PRR27: variants seen among roughly 807,000 people sequenced by gnomAD.
The protein encoded by PRR27 is proline-rich protein 27.
A neutral mutation model predicts 16.8 loss-of-function variants in PRR27; 12 were observed. The observed-to-expected ratio is 0.71, with a 90% CI of 0.46 to 1.16. PRR27 has a LOEUF of 1.16. Among genes scored for constraint, PRR27 ranks in the 50% most tolerant of loss-of-function variants. The probability of loss-of-function intolerance (pLI) is 0.00; values close to 1 mark genes in which losing one functional copy is unlikely to be tolerated. For synonymous variants in PRR27, 100 were observed against 98.4 expected, an observed-to-expected ratio of 1.02 and a Z score of -0.10; for missense variants, 277 against 273.3, an observed-to-expected ratio of 1.01 and a Z score of -0.10.
At chr4:70,156,252 G>A (rs928402671) in intron 2 of PRR27, among the ~76,000 whole-genome samples, 175 bp downstream of exon 2, 2 of 152,144 alleles carry the variant, frequency 1.3e-5, no homozygotes, top group African/African-American at 4.8e-5. Flanking sequence ...GAATATGTTT[G>A]TGTTCAACAT....
In PRR27 at chr4:70,164,219, A is replaced by T. The variant is rs1230053445; in HGVS notation, c.*1558A>T. 1 of 152,166 alleles carries T rather than the reference A, an allele frequency of 6.6e-6. No individual in the cohort carries two copies. The highest frequency in any genetic ancestry group is 1.5e-5 in the Non-Finnish European group (1 of 68,012). The allele number at this position is 152,166 out of a possible 1,614,324, so 9.4% of individuals were successfully genotyped here. ...CAGGCATTTCTGTGTCTTATTCAGC[A>T]CTTTATCAGGGCCTATAACAATGCC... On this transcript the variant is annotated 3_prime_UTR_variant, in exon 5 of 5. Coordinates refer to ENST00000344526, the MANE Select transcript of PRR27 (RefSeq NM_214711.4).
rs1728551566 is a variant in PRR27 at position 70,158,599 on chromosome 4, G to A, written c.347G>A (p.Arg116Lys). 1 of 1,614,060 alleles carries A rather than the reference G, an allele frequency of 6.2e-7. No individual in the cohort carries two copies. The highest frequency in any genetic ancestry group is 8.5e-7 in the Non-Finnish European group (1 of 1,180,004). The change falls in exon 3 of 5, where the codon AGG becomes AAG. Residue 116 changes from arginine to lysine, a missense_variant. Coordinates refer to ENST00000344526, the MANE Select transcript of PRR27 (RefSeq NM_214711.4). The stretch of plus-strand genomic sequence containing the variant: ...GGTTTCCCGTTTGTCCCTCCTTCAA[G>A]GTTTTTTTCAGCAGCTGCAGCACCC... ...PRGFPFVPPS[R>K]FFSAAAAPAA... is the part of the protein sequence containing the mutation.
intron 3 of PRR27, among the ~76,000 whole-genome samples, chr4:70,159,693 G>A (rs957938753): frequency 6.6e-6 from 1 of 152,152 alleles, no homozygotes; most frequent in Non-Finnish European, 1.5e-5. Context: ...ATATATGTGT[G>A]TATGGACATA....
rs550286208 is a variant in PRR27, at chr4:70,165,972, A to T, written c.*3311A>T. The T allele has an allele frequency of 1.3e-5, 2 of 152,198 alleles. No homozygotes were observed. Among genetic ancestry groups the T allele is most frequent in the East Asian group, 3.9e-4 (2 of 5,182 alleles). The allele number at this position is 152,198 out of a possible 1,614,324, so 9.4% of individuals were successfully genotyped here. On this transcript the variant is annotated 3_prime_UTR_variant, in exon 5 of 5. Transcript: ENST00000344526. ...CTCAAAGAGGTATAAGTTTGTGTGTATAATTCCCTGGCTTTTTTCTAAAAT... is the reference window on the plus strand; with the variant it reads ...CTCAAAGAGGTATAAGTTTGTGTGTTTAATTCCCTGGCTTTTTTCTAAAAT...
At position 70,163,724 on chromosome 4, in the gene PRR27, C is replaced by G. The variant is rs1232220863; in HGVS notation, c.*1063C>G. The stretch of plus-strand genomic sequence containing the variant: ...ATCAGATGTTAAACCAAACATTATT[C>G]AGATAAGATCTCTGAAAAGCCTCTG... On this transcript the variant is annotated 3_prime_UTR_variant, in exon 5 of 5. Transcript: ENST00000344526. 2 of 152,130 alleles carry G rather than the reference C, an allele frequency of 1.3e-5. No individual in the cohort carries two copies. Among genetic ancestry groups the G allele is most frequent in the African/African-American group, 4.8e-5 (2 of 41,398 alleles). The allele number at this position is 152,130 out of a possible 1,614,324, so 9.4% of individuals were successfully genotyped here.
intron 3 of PRR27, among the ~76,000 whole-genome samples, chr4:70,160,435 C>G (rs371076548): frequency 0.021 from 661 of 31,920 alleles, 4 homozygotes; most frequent in South Asian, 0.034. Flanking sequence ...CTCTCTCTCT[C>G]TCTCTCTCTG....
intron 3 of PRR27, among the ~76,000 whole-genome samples, chr4:70,160,474 T>TG (rs1553902854): frequency 5.3e-5 from 8 of 149,780 alleles, no homozygotes; most frequent in African/African-American, 2.0e-4. Flanking sequence ...TGTGTGTGTG[T>TG]TTTCCCTTGC....
intron 3 of PRR27, 32 bp downstream of exon 3, chr4:70,158,932 ATG>A (rs1728567306): frequency 3.0e-6 from 4 of 1,337,442 alleles, no homozygotes; most frequent in Non-Finnish European, 4.1e-6. Flanking sequence ...ACTATAATGT[ATG>A]AGAAATGAGA....
intron 3 of PRR27, among the ~76,000 whole-genome samples, chr4:70,160,437 CTCTCTCTG>C (rs1336697689): frequency 3.1e-4 from 24 of 77,926 alleles, no homozygotes; most frequent in African/African-American, 7.5e-4. Flanking sequence ...CTCTCTCTCT[CTCTCTCTG>C]TGTGTGTGTG....
At chr4:70,157,235 T>G (rs1176091912) in intron 2 of PRR27, among the ~76,000 whole-genome samples, 1 of 152,068 alleles carries the variant, frequency 6.6e-6, no homozygotes, top group Non-Finnish European at 1.5e-5. Context: ...GGCTGGGGAA[T>G]GTAGCATCCC....
At chr4:70,158,144 A>T (rs969181904) in intron 2 of PRR27, among the ~76,000 whole-genome samples, 184 bp from the exon 3 acceptor site, 1 of 152,188 alleles carries the variant, frequency 6.6e-6, no homozygotes, top group African/African-American at 2.4e-5. Flanking sequence ...GAGTTTATTC[A>T]ATTTTCTTAA....
intron 2 of PRR27, among the ~76,000 whole-genome samples, chr4:70,156,429 A>C (rs1467300715): frequency 2.0e-5 from 3 of 152,130 alleles, no homozygotes; most frequent in African/African-American, 7.2e-5. Flanking sequence ...GAATCTGGAG[A>C]TGCTCTGTCT....
At chr4:70,157,904 T>C (rs1329180695) in intron 2 of PRR27, among the ~76,000 whole-genome samples, 1 of 152,128 alleles carries the variant, frequency 6.6e-6, no homozygotes, top group Admixed American at 6.5e-5. Context: ...AGAGGAATAA[T>C]GAAGCAGAGG....
intron 1 of PRR27, among the ~76,000 whole-genome samples, chr4:70,155,014 A>C (rs1005231320): frequency 6.6e-5 from 10 of 152,162 alleles, no homozygotes; most frequent in Admixed American, 1.3e-4. Flanking sequence ...TAACACCTAC[A>C]CCATAACATT....
In PRR27 at chr4:70,166,562, T is replaced by C. The variant is rs1460634990; in HGVS notation, c.*3901T>C. ...TTTCTCTAACCATTTTGAATACGAA[T>C]AACCATGGATTCTAATAGCAAACAT... On this transcript the variant is annotated 3_prime_UTR_variant, in exon 5 of 5. Transcript: ENST00000344526. 2 of 152,078 alleles carry C rather than the reference T, an allele frequency of 1.3e-5. No homozygotes were observed. The highest frequency in any genetic ancestry group is 2.9e-5 in the Non-Finnish European group (2 of 67,954). 9.4% of individuals were successfully genotyped at this position (152,078 alleles called of 1,614,324 possible).
chr4:70,158,272 G>A, intron 2 of PRR27, 56 bp from the exon 3 acceptor site: 1 of 1,049,720 alleles, frequency 9.5e-7, no homozygotes, highest in Non-Finnish European at 1.4e-6. Context: ...TGTACCATAA[G>A]TAATATATAG....
chr4:70,161,919 C>T (rs1267992141), intron 4 of PRR27, among the ~76,000 whole-genome samples: 1 of 152,120 alleles, frequency 6.6e-6, no homozygotes, highest in Non-Finnish European at 1.5e-5. Context: ...AGGTAAAAAC[C>T]TTTAACGTGG....
rs1240485541 is a variant in PRR27, at chr4:70,165,849, T to A, written c.*3188T>A. The stretch of plus-strand genomic sequence containing the variant: ...AAATGTTCACACCTTCACACTGGTA[T>A]CAACTGCAACAACCACTATACTTCT... On this transcript the variant is annotated 3_prime_UTR_variant, in exon 5 of 5. Transcript: ENST00000344526. 2 of 152,152 alleles carry A rather than the reference T, an allele frequency of 1.3e-5. No homozygotes were observed. The highest frequency in any genetic ancestry group is 2.4e-5 in the African/African-American group (1 of 41,454). 9.4% of individuals were successfully genotyped at this position (152,152 alleles called of 1,614,324 possible).
chr4:70,155,688 C>G (rs1411508655), intron 1 of PRR27, among the ~76,000 whole-genome samples: 2 of 102,296 alleles, frequency 2.0e-5, no homozygotes, highest in African/African-American at 6.0e-5. Flanking sequence ...CTTTAACACA[C>G]AGATGCACAC....
Sources: allele counts gnomAD v4.1 joint callset (sites outside exome capture counted in the v4.1 genomes callset), GRCh38; gene constraint gnomAD v4.1.1; transcripts MANE v1.5; gene names NCBI Gene and HGNC (gene_info 2026-07-23, HGNC 2026-07-21).